Variants in SLC2A9 observed in about 807,000 individuals in gnomAD.
The protein encoded by SLC2A9 is solute carrier family 2, facilitated glucose transporter member 9.
A neutral mutation model predicts 50.6 loss-of-function variants in SLC2A9; 39 were observed. The ratio of observed to expected loss-of-function variants is 0.77; its 90% confidence interval spans 0.60 to 1.01. SLC2A9 has a LOEUF of 1.01. Among genes scored for constraint, SLC2A9 ranks in the 50% least tolerant of loss-of-function variants. The probability of loss-of-function intolerance (pLI) is 0.00; values close to 1 mark genes in which losing one functional copy is unlikely to be tolerated. For missense variants in SLC2A9, 686 were observed against 677.6 expected, an observed-to-expected ratio of 1.01 and a Z score of -0.14; for synonymous variants, 324 against 276.9, an observed-to-expected ratio of 1.17 and a Z score of -1.69.
chr4:9,890,796 G>A lies in SLC2A9; in HGVS notation c.1114-85C>T, dbSNP rs150582323. 3.8e-4 allele frequency: 469 copies of A among 1,231,942 alleles called. 1 individual carries two copies. Among genetic ancestry groups the A allele is most frequent in the South Asian group, 1.2e-3 (94 of 78,538 alleles). The allele number at this position is 1,231,942 out of a possible 1,614,324, so 76.3% of individuals were successfully genotyped here. ...AATGTGGCACTGGGAACCGGCAATGGCATCATGATTAAAAACCGGCTTTGA... is the reference window on the plus strand; with the variant it reads ...AATGTGGCACTGGGAACCGGCAATGACATCATGATTAAAAACCGGCTTTGA... On this transcript the variant is annotated intron_variant, in intron 8 of 11. Coordinates refer to ENST00000264784, the MANE Select transcript of SLC2A9 (RefSeq NM_020041.3).
chr4:9,926,347 C>T (rs956603145), intron 6 of SLC2A9, among the ~76,000 whole-genome samples: 10 of 149,774 alleles, frequency 6.7e-5, no homozygotes, highest in African/African-American at 2.2e-4. Context: ...CACATTGTTT[C>T]GGGGCCAATG....
intron 10 of SLC2A9, among the ~76,000 whole-genome samples, chr4:9,842,253 A>C (rs1728197674): frequency 1.3e-5 from 2 of 152,202 alleles, no homozygotes; most frequent in African/African-American, 4.8e-5. Flanking sequence ...TTCAAAGGTA[A>C]GTTATTGGTA....
At chr4:9,834,847 A>T in intron 11 of SLC2A9, 34 bp downstream of exon 11, 1 of 1,613,966 alleles carries the variant, frequency 6.2e-7, no homozygotes, top group Non-Finnish European at 8.5e-7. Flanking sequence ...ATCAAAGGGA[A>T]CCCCATGGGC....
At chr4:9,892,676 A>T (rs1452707020) in intron 8 of SLC2A9, among the ~76,000 whole-genome samples, 1 of 152,210 alleles carries the variant, frequency 6.6e-6, no homozygotes, top group African/African-American at 2.4e-5. Flanking sequence ...CAATGCCTGA[A>T]ATAGACTCAT....
At chr4:9,899,493 C>T (rs1425090533) in intron 8 of SLC2A9, among the ~76,000 whole-genome samples, 39 of 152,308 alleles carry the variant, frequency 2.6e-4, no homozygotes, top group Admixed American at 2.4e-3. Context: ...CCTTGGAAAG[C>T]TGTGGTTATT....
intron 2 of SLC2A9, among the ~76,000 whole-genome samples, chr4:10,005,907 G>A (rs190595800): frequency 5.3e-5 from 8 of 152,268 alleles, no homozygotes; most frequent in African/African-American, 1.7e-4. Flanking sequence ...ACCTCTCTGC[G>A]CCTCAGGTTC....
chr4:10,030,243 A>G (rs1194985872), intron 1 of SLC2A9, among the ~76,000 whole-genome samples: 1 of 152,248 alleles, frequency 6.6e-6, no homozygotes, highest in African/African-American at 2.4e-5. Context: ...ACTGGTAAGT[A>G]GGTGAGGGGA....
intron 10 of SLC2A9, among the ~76,000 whole-genome samples, chr4:9,883,826 T>C (rs1046269215): frequency 1.3e-5 from 2 of 152,166 alleles, no homozygotes; most frequent in Admixed American, 6.5e-5. Context: ...ACCTTCTAGA[T>C]GTCAGGCCAG....
chr4:9,931,280 G>A lies in SLC2A9; in HGVS notation c.814+10633C>T, dbSNP rs537842620. Among the ~76,000 whole-genome samples, 4 of 152,254 alleles carry A rather than the reference G, an allele frequency of 2.6e-5. No individual in the cohort carries two copies. The South Asian group carries it at 8.3e-4, about 32-fold the overall frequency. ...ATACCTCATGCATATTCCTAGCCATGTTCTAATCACTAACTCCAAAGAACT... is the reference window on the plus strand; with the variant it reads ...ATACCTCATGCATATTCCTAGCCATATTCTAATCACTAACTCCAAAGAACT... On this transcript the variant is annotated intron_variant, in intron 6 of 11. Coordinates refer to ENST00000264784, the MANE Select transcript of SLC2A9 (RefSeq NM_020041.3).
rs937190217 is a variant in SLC2A9, at chr4:9,898,447, C to T, written c.1114-7736G>A. Among the ~76,000 whole-genome samples the T allele has an allele frequency of 3.9e-5, 6 of 152,298 alleles. 1 individual carries two copies. Among genetic ancestry groups the T allele is most frequent in the African/African-American group, 7.2e-5 (3 of 41,558 alleles). ...TATTTCACATACATTACTTTATATA[C>T]ACTTTATTTATTGCTCATTGTCTAT... On this transcript the variant is annotated intron_variant, in intron 8 of 11. Transcript: ENST00000264784.
intron 5 of SLC2A9, among the ~76,000 whole-genome samples, chr4:9,952,140 GTAAAGTT>G (rs1169108510): frequency 6.6e-6 from 1 of 152,182 alleles, no homozygotes; most frequent in African/African-American, 2.4e-5. Flanking sequence ...TTGCTCATCC[GTAAAGTT>G]TAGTCCACAG....
rs570411772 is a variant in SLC2A9, at chr4:9,865,147, A to G, written c.1291+22420T>C. Among the ~76,000 whole-genome samples the G allele has an allele frequency of 1.7e-3, 256 of 152,368 alleles. 2 individuals carry two copies. Among genetic ancestry groups the G allele is most frequent in the African/African-American group, 6.0e-3 (250 of 41,590 alleles). On this transcript the variant is annotated intron_variant, in intron 10 of 11. Transcript: ENST00000264784. The stretch of plus-strand genomic sequence containing the variant: ...CAGGTTAGAACAGCGGTTCATAGCC[A>G]GGAGTGATTTTGCCCCCAGGGAACA...
At chr4:10,027,487 G>T (rs1417611322) in intron 1 of SLC2A9, among the ~76,000 whole-genome samples, 1 of 151,934 alleles carries the variant, frequency 6.6e-6, no homozygotes, top group African/African-American at 2.4e-5. Context: ...CATTAAAATT[G>T]ATCTGAATGA....
intron 3 of SLC2A9, among the ~76,000 whole-genome samples, chr4:9,808,906 T>A (rs1354719176): frequency 6.6e-6 from 1 of 152,238 alleles, no homozygotes; most frequent in Admixed American, 6.5e-5. Flanking sequence ...ACAATGACTC[T>A]GGCTTGGACT....
At chr4:10,010,416 A>G (rs953781286) in intron 2 of SLC2A9, among the ~76,000 whole-genome samples, 1 of 152,136 alleles carries the variant, frequency 6.6e-6, no homozygotes, top group Non-Finnish European at 1.5e-5. Flanking sequence ...AAATTATCAA[A>G]CCAGAAGGGG....
At chr4:9,901,538 G>A (rs1577787628) in intron 8 of SLC2A9, among the ~76,000 whole-genome samples, 1 of 152,176 alleles carries the variant, frequency 6.6e-6, no homozygotes, top group South Asian at 2.1e-4. Context: ...GCATGACCTG[G>A]CACTCTCCTT....
chr4:9,868,147 C>T (rs1229610047), intron 10 of SLC2A9, among the ~76,000 whole-genome samples: 3 of 152,242 alleles, frequency 2.0e-5, no homozygotes, highest in Non-Finnish European at 2.9e-5. Flanking sequence ...AAGCCCTCTG[C>T]TATGTTCCTG....
At chr4:9,963,467 C>A (rs908819401) in intron 5 of SLC2A9, among the ~76,000 whole-genome samples, 1 of 152,186 alleles carries the variant, frequency 6.6e-6, no homozygotes, top group Non-Finnish European at 1.5e-5. Context: ...GTCAGCTCTA[C>A]GTTGATACAA....
intron 10 of SLC2A9, among the ~76,000 whole-genome samples, chr4:9,886,424 C>CTGTGTGTGTGTG (rs59081583): frequency 7.4e-6 from 1 of 135,584 alleles, no homozygotes; most frequent in East Asian, 2.2e-4. Context: ...CCTCATAGCA[C>CTGTGTGTGTGTG]TGTGTGTGTG....
Sources: gnomAD v4.1 joint callset for allele counts (sites outside exome capture counted in the v4.1 genomes callset) on GRCh38, gnomAD v4.1.1 for gene constraint, MANE v1.5 for transcripts, NCBI Gene and HGNC (gene_info 2026-07-23, HGNC 2026-07-21) for gene names.